Variants in UGT2B11 observed in about 807,000 individuals in gnomAD.
UGT2B11 encodes the protein UDP-glucuronosyltransferase 2B11.
UGT2B11 carries 49 observed loss-of-function variants against 51.7 expected under a neutral mutation model. That is an observed-to-expected ratio of 0.95 (90% CI 0.75 to 1.20). The LOEUF (loss-of-function observed/expected upper bound fraction) is 1.20. UGT2B11 is among the 50% of genes most tolerant of loss of function. The pLI, the probability that UGT2B11 is intolerant of heterozygous loss-of-function variation, is 0.00. For missense variants in UGT2B11, 810 were observed against 622.1 expected (o/e 1.30, Z -3.21); for synonymous variants, 273 against 209.0 (o/e 1.31, Z -2.64).
At chr4:69,222,628 T>C in the UGT2B11 span, among the ~76,000 whole-genome samples, 55,743 of 152,100 alleles carry the variant, frequency 0.37, 11,280 homozygotes, top group Non-Finnish European at 0.47. Flanking sequence ...TGCTTCTTTT[T>C]CAGTAGGACT....
chr4:69,203,846 T>C (rs1302487737), intron 5 of UGT2B11, among the ~76,000 whole-genome samples: 1 of 151,634 alleles, frequency 6.6e-6, no homozygotes, highest in Non-Finnish European at 1.5e-5. Flanking sequence ...ACTAAGCAGT[T>C]ATGAGAAGTG....
chr4:69,224,533 C>T, the UGT2B11 span, among the ~76,000 whole-genome samples: 23 of 152,134 alleles, frequency 1.5e-4, no homozygotes, highest in African/African-American at 5.1e-4. Flanking sequence ...CAGAGGTGCC[C>T]GGTTTAGCCT....
chr4:69,203,125 G>A (rs1721720455), intron 5 of UGT2B11, among the ~76,000 whole-genome samples: 1 of 151,610 alleles, frequency 6.6e-6, no homozygotes, highest in South Asian at 2.1e-4. Context: ...GTATATATCT[G>A]ATTTGTCCCA....
intron 2 of UGT2B11, 146 bp downstream of exon 2, chr4:69,212,427 C>A: frequency 2.9e-6 from 4 of 1,376,006 alleles, no homozygotes; most frequent in Non-Finnish European, 3.9e-6. Flanking sequence ...TTAACATATA[C>A]ATGAGTTTCT....
At chr4:69,206,186 G>A (rs1577961677) in intron 3 of UGT2B11, among the ~76,000 whole-genome samples, 3 of 151,482 alleles carry the variant, frequency 2.0e-5, no homozygotes, top group African/African-American at 4.8e-5. Context: ...TATGTTAGTT[G>A]CAGTACTATT....
upstream of UGT2B11, among the ~76,000 whole-genome samples, chr4:69,217,788 T>C (rs1213087536): frequency 1.3e-5 from 2 of 152,050 alleles, no homozygotes; most frequent in Non-Finnish European, 2.9e-5. Context: ...TACCATACAT[T>C]GCCTAGCATA....
rs764699731 is a variant in UGT2B11 at position 69,214,051 on chromosome 4, G to A, written c.672C>T (p.Phe224=). Residue 224 remains phenylalanine (F), a synonymous_variant, in exon 1 of 6, where the codon TTC becomes TTT. Transcript: ENST00000446444. ...MIYVLYFDFW[F]QMSDMKKWDQ... is the part of the protein sequence containing the mutation. ...CCCACTTCTTCATATCAGACATTTG[G>A]AACCAAAAGTCAAAATAAAGCACAT... 1.9e-6 allele frequency: 3 copies of A among 1,603,312 alleles called. No individual in the cohort carries two copies. The highest frequency in any genetic ancestry group is 1.7e-6 in the Non-Finnish European group (2 of 1,175,540).
rs1721597836 is a variant in UGT2B11, at chr4:69,200,274, T to C, written c.*166A>G. On this transcript the variant is annotated 3_prime_UTR_variant, in exon 6 of 6. Coordinates refer to ENST00000446444, the MANE Select transcript of UGT2B11 (RefSeq NM_001073.3). ...AACCATTACCTGGGTGGTAAATCTC[T>C]GAAAAACAAATTTTTACTTGACAAG... 3 of 1,137,676 alleles carry C rather than the reference T, an allele frequency of 2.6e-6. No individual in the cohort carries two copies. Among genetic ancestry groups the C allele is most frequent in the Non-Finnish European group, 2.3e-6 (2 of 877,836 alleles). 70.5% of individuals were successfully genotyped at this position (1,137,676 alleles called of 1,614,324 possible).
rs762434328 is a variant in UGT2B11, at chr4:69,208,502, T to A, written c.871-20A>T. On this transcript the variant is annotated intron_variant, in intron 2 of 5. Coordinates refer to ENST00000446444, the MANE Select transcript of UGT2B11 (RefSeq NM_001073.3). ...CATTTCCTGTGAAAAAAAAATTGTT[T>A]CATCACAAAAGAGTATCACCACAGC... 13 of 1,606,674 alleles carry A rather than the reference T, an allele frequency of 8.1e-6. No individual in the cohort carries two copies. The East Asian group carries it at 2.7e-4, about 33-fold the overall frequency.
chr4:69,211,908 T>C (rs1722079235), intron 2 of UGT2B11, among the ~76,000 whole-genome samples: 1 of 151,556 alleles, frequency 6.6e-6, no homozygotes, highest in Non-Finnish European at 1.5e-5. Flanking sequence ...CCGGCTCTAA[T>C]TTACCTCTTA....
intron 3 of UGT2B11, among the ~76,000 whole-genome samples, chr4:69,206,019 G>A (rs905891497): frequency 6.6e-6 from 1 of 151,608 alleles, no homozygotes; most frequent in African/African-American, 2.4e-5. Flanking sequence ...CTTATACTCT[G>A]TTGGTTGGAA....
At chr4:69,213,284 G>A (rs1722143899) in intron 1 of UGT2B11, among the ~76,000 whole-genome samples, 1 of 151,658 alleles carries the variant, frequency 6.6e-6, no homozygotes, top group African/African-American at 2.4e-5. Flanking sequence ...ATTATAGCTA[G>A]AAATTTTGAG....
upstream of UGT2B11, among the ~76,000 whole-genome samples, chr4:69,217,625 C>A (rs949059091): frequency 6.6e-6 from 1 of 151,954 alleles, no homozygotes; most frequent in Non-Finnish European, 1.5e-5. Flanking sequence ...ATATCCAATG[C>A]CTGGTCATAT....
upstream of UGT2B11, among the ~76,000 whole-genome samples, chr4:69,219,297 G>C (rs1354976410): frequency 6.6e-6 from 1 of 152,046 alleles, no homozygotes; most frequent in African/African-American, 2.4e-5. Flanking sequence ...AGTTGTTTGT[G>C]TATGTTTTAT....
chr4:69,221,316 T>C, the UGT2B11 span, among the ~76,000 whole-genome samples: 2 of 152,206 alleles, frequency 1.3e-5, no homozygotes, highest in African/African-American at 4.8e-5. Flanking sequence ...TACTAAACCT[T>C]GAGCTTTTAA....
chr4:69,210,231 A>G (rs560829688), intron 2 of UGT2B11, among the ~76,000 whole-genome samples: 20 of 151,764 alleles, frequency 1.3e-4, no homozygotes, highest in Admixed American at 6.6e-4. Context: ...ATTCTTTCAT[A>G]TAAGATGTTG....
chr4:69,214,939 T>A, upstream of UGT2B11: 1 of 715,742 alleles, frequency 1.4e-6, no homozygotes, highest in Non-Finnish European at 2.1e-6. Context: ...ATATTCACTG[T>A]CATCCACCTA....
chr4:69,221,958 T>A, the UGT2B11 span, among the ~76,000 whole-genome samples: 7 of 152,366 alleles, frequency 4.6e-5, no homozygotes, highest in Admixed American at 3.3e-4. Context: ...GGGTGGTTTG[T>A]TTTTTGTTGA....
chr4:69,207,031 A>G (rs1262914061), intron 3 of UGT2B11, among the ~76,000 whole-genome samples: 1 of 151,658 alleles, frequency 6.6e-6, no homozygotes, highest in Non-Finnish European at 1.5e-5. Flanking sequence ...ACAATTTTTG[A>G]CACAAATTCA....
Sources: gnomAD v4.1 joint callset for allele counts (sites outside exome capture counted in the v4.1 genomes callset) on GRCh38, gnomAD v4.1.1 for gene constraint, MANE v1.5 for transcripts, NCBI Gene and HGNC (gene_info 2026-07-23, HGNC 2026-07-21) for gene names.